PTPRD: variants seen among roughly 807,000 people sequenced by gnomAD.
The protein encoded by PTPRD is protein tyrosine phosphatase receptor type D, also known as receptor-type tyrosine-protein phosphatase delta.
Under a neutral mutation model 214.5 loss-of-function variants are expected in PTPRD, and 34 were observed. That is an observed-to-expected ratio of 0.16 (90% CI 0.12 to 0.21). The LOEUF (loss-of-function observed/expected upper bound fraction) is 0.21. Ranked by LOEUF, PTPRD falls within the 10% of genes least tolerant of loss-of-function variation. The pLI is 1.00. For missense variants in PTPRD, 2,545 were observed against 2,398.7 expected (o/e 1.06, Z -1.27); for synonymous variants, 1,128 against 845.7 (o/e 1.33, Z -5.79).
At chr9:9,989,062 G>A (rs552296027) in intron 4 of PTPRD, among the ~76,000 whole-genome samples, 42 of 132,234 alleles carry the variant, frequency 3.2e-4, no homozygotes, top group Non-Finnish European at 9.2e-5. Flanking sequence ...ACTTTACACA[G>A]TTGCACCCAA....
intron 8 of PTPRD, among the ~76,000 whole-genome samples, chr9:9,451,951 C>T (rs1388610628): frequency 6.6e-6 from 1 of 151,284 alleles, no homozygotes; most frequent in Non-Finnish European, 1.5e-5. Flanking sequence ...AGTTATGTCT[C>T]TTTGAATTTC....
intron 8 of PTPRD, among the ~76,000 whole-genome samples, chr9:9,486,702 GATCTCAGATTAA>G (rs1231228888): frequency 1.3e-5 from 2 of 152,094 alleles, no homozygotes; most frequent in East Asian, 1.9e-4. Context: ...ACAATCTTCA[GATCTCAGATTAA>G]ATTTTGCTTC....
At chr9:8,465,922 A>C (rs1591275984) in intron 31 of PTPRD, among the ~76,000 whole-genome samples, 2 of 151,900 alleles carry the variant, frequency 1.3e-5, no homozygotes, top group African/African-American at 4.8e-5. Flanking sequence ...CAGGGCAATG[A>C]GGTCCTTTGC....
intron 9 of PTPRD, among the ~76,000 whole-genome samples, chr9:9,323,088 G>C (rs572756616): frequency 7.9e-5 from 12 of 151,934 alleles, no homozygotes; most frequent in Middle Eastern, 3.2e-3. Context: ...GAATACCCTA[G>C]GGCACTTTAC....
chr9:10,494,812 T>C (rs1035951178), intron 2 of PTPRD, among the ~76,000 whole-genome samples: 3 of 151,560 alleles, frequency 2.0e-5, no homozygotes, highest in African/African-American at 7.2e-5. Flanking sequence ...TATATTAAGA[T>C]AGAATTGTTT....
rs2132356738 is a variant in PTPRD at position 8,340,406 on chromosome 9, C to G, written c.5190G>C (p.Arg1730=). ...PLAETTEDFW[R]MLWEHNSTIV... ...TGGTGGAATTGTGTTCCCAGAGCAT[C>G]CGCCAGAAGTCTTCAGTGGTCTCTG... The change falls in exon 42 of 46, where the codon CGG becomes CGC. Residue 1730 remains arginine, a synonymous_variant. Transcript: ENST00000381196. 6.2e-7 allele frequency: 1 copy of G among 1,610,508 alleles called. No individual in the cohort carries two copies. The highest frequency in any genetic ancestry group is 8.5e-7 in the Non-Finnish European group (1 of 1,177,502).
At chr9:9,621,628 C>A (rs2095242644) in intron 7 of PTPRD, among the ~76,000 whole-genome samples, 3 of 152,268 alleles carry the variant, frequency 2.0e-5, no homozygotes, top group South Asian at 4.1e-4. Context: ...ATAGGCATTA[C>A]CCTTCCTTAA....
intron 12 of PTPRD, among the ~76,000 whole-genome samples, chr9:8,708,477 C>T (rs1037438471): frequency 6.6e-6 from 1 of 151,772 alleles, no homozygotes; most frequent in East Asian, 1.9e-4. Flanking sequence ...AGTTCGAGAC[C>T]AGCCTGACCA....
At chr9:9,950,718 G>A (rs1379294613) in intron 4 of PTPRD, among the ~76,000 whole-genome samples, 1 of 8,008 alleles carries the variant, frequency 1.2e-4, no homozygotes, top group Non-Finnish European at 1.5e-4. Context: ...GCGAGACTCC[G>A]TCTCAAAAAA....
At chr9:8,854,396 A>C (rs995004785) in intron 11 of PTPRD, among the ~76,000 whole-genome samples, 3 of 152,098 alleles carry the variant, frequency 2.0e-5, no homozygotes, top group African/African-American at 7.2e-5. Context: ...TTGAAATGAC[A>C]CTTTTCATAT....
At chr9:8,603,286 T>A (rs2094981003) in intron 14 of PTPRD, among the ~76,000 whole-genome samples, 1 of 152,188 alleles carries the variant, frequency 6.6e-6, no homozygotes, top group African/African-American at 2.4e-5. Flanking sequence ...TTAAACTGGA[T>A]TTAAAGGTTG....
chr9:9,813,204 T>C (rs1267099129), intron 5 of PTPRD, among the ~76,000 whole-genome samples: 1 of 151,802 alleles, frequency 6.6e-6, no homozygotes, highest in Non-Finnish European at 1.5e-5. Context: ...ATAATAAAGA[T>C]CTCAAATAAG....
intron 5 of PTPRD, among the ~76,000 whole-genome samples, chr9:9,902,193 G>A (rs189228918): frequency 2.6e-4 from 40 of 151,520 alleles, no homozygotes; most frequent in Non-Finnish European, 5.6e-4. Context: ...TTGTGTGTAC[G>A]TGCATCAGCG....
At chr9:8,548,122 T>C (rs1008077263) in intron 14 of PTPRD, among the ~76,000 whole-genome samples, 1 of 152,052 alleles carries the variant, frequency 6.6e-6, no homozygotes, top group Non-Finnish European at 1.5e-5. Context: ...TTGATAGAAA[T>C]GTAGTAAAGG....
intron 30 of PTPRD, among the ~76,000 whole-genome samples, chr9:8,474,302 G>C (rs894573021): frequency 2.6e-5 from 4 of 152,106 alleles, no homozygotes; most frequent in Non-Finnish European, 5.9e-5. Flanking sequence ...TCTCAGGGAA[G>C]ATTCTTTTGC....
At chr9:9,216,053 G>C (rs2099951979) in intron 9 of PTPRD, among the ~76,000 whole-genome samples, 1 of 152,108 alleles carries the variant, frequency 6.6e-6, no homozygotes, top group African/African-American at 2.4e-5. Flanking sequence ...GTGTCAGCCT[G>C]CCTGATTGGA....
chr9:10,323,070 T>G (rs1012435479), intron 3 of PTPRD, among the ~76,000 whole-genome samples: 1 of 152,038 alleles, frequency 6.6e-6, no homozygotes, highest in African/African-American at 2.4e-5. Context: ...CTAAACAATC[T>G]ATTTCAAAAT....
At chr9:9,366,270 G>C (rs1020200898) in intron 9 of PTPRD, among the ~76,000 whole-genome samples, 1 of 151,476 alleles carries the variant, frequency 6.6e-6, no homozygotes, top group African/African-American at 2.4e-5. Flanking sequence ...TTTTTAAGCA[G>C]GGATTCTTTT....
chr9:10,325,805 T>C (rs893615672), intron 3 of PTPRD, among the ~76,000 whole-genome samples: 3 of 152,048 alleles, frequency 2.0e-5, no homozygotes, highest in Non-Finnish European at 2.9e-5. Flanking sequence ...GAATTTTGCC[T>C]GGGTTAAAAA....
Sources: gnomAD v4.1 joint callset for allele counts (sites outside exome capture counted in the v4.1 genomes callset) on GRCh38, gnomAD v4.1.1 for gene constraint, MANE v1.5 for transcripts, NCBI Gene and HGNC (gene_info 2026-07-23, HGNC 2026-07-21) for gene names.